Variants in GPD2 observed in about 807,000 individuals in gnomAD.
GPD2 encodes glycerol-3-phosphate dehydrogenase 2.
In GPD2, 54 loss-of-function variants were observed where a neutral mutation model predicts 82.4. The ratio of observed to expected loss-of-function variants is 0.66; its 90% CI spans 0.53 to 0.82. The LOEUF is 0.82. Ranked by LOEUF, GPD2 falls within the 40% of genes least tolerant of loss-of-function variation. The pLI is 0.00. For missense variants in GPD2, 748 were observed against 896.2 expected (o/e 0.83, Z 2.11); for synonymous variants, 288 against 306.1 (o/e 0.94, Z 0.62).
intron 6 of GPD2, among the ~76,000 whole-genome samples, chr2:156,538,431 A>G (rs1686163361): frequency 6.6e-6 from 1 of 151,944 alleles, no homozygotes; most frequent in Admixed American, 6.6e-5. Context: ...ATTCATTCCT[A>G]TGAGAAGTGA....
intron 6 of GPD2, among the ~76,000 whole-genome samples, chr2:156,526,885 T>C (rs969902460): frequency 2.0e-4 from 30 of 152,260 alleles, no homozygotes; most frequent in African/African-American, 7.0e-4. Context: ...GTAAGGATTG[T>C]TCTTCAGGAA....
the GPD2 span, among the ~76,000 whole-genome samples, chr2:156,412,453 A>AT: frequency 6.6e-6 from 1 of 150,840 alleles, no homozygotes; most frequent in Non-Finnish European, 1.5e-5. Context: ...AAAAAAAAAA[A>AT]TACAGGATTT....
At chr2:156,545,197 A>G (rs1435155396) in intron 6 of GPD2, among the ~76,000 whole-genome samples, 1 of 152,114 alleles carries the variant, frequency 6.6e-6, no homozygotes, top group East Asian at 1.9e-4. Flanking sequence ...GAATATTTCC[A>G]ATCAGAAAGG....
At chr2:156,538,357 C>T (rs575131219) in intron 6 of GPD2, among the ~76,000 whole-genome samples, 23 of 152,136 alleles carry the variant, frequency 1.5e-4, no homozygotes, top group African/African-American at 4.8e-4. Context: ...CATTGTTGTC[C>T]TTGCAGGAGG....
At chr2:156,474,971 A>T (rs1683455167) in intron 1 of GPD2, among the ~76,000 whole-genome samples, 1 of 151,862 alleles carries the variant, frequency 6.6e-6, no homozygotes, top group Non-Finnish European at 1.5e-5. Flanking sequence ...AGAAAGAAAA[A>T]AAAATAGCCA....
chr2:156,482,777 G>A (rs940190217), intron 2 of GPD2, among the ~76,000 whole-genome samples: 3 of 151,924 alleles, frequency 2.0e-5, no homozygotes, highest in Non-Finnish European at 4.4e-5. Context: ...AAATACTATA[G>A]TTCACTCTGT....
At chr2:156,429,944 T>A in the GPD2 span, among the ~76,000 whole-genome samples, 2 of 152,222 alleles carry the variant, frequency 1.3e-5, no homozygotes, top group Admixed American at 1.3e-4. Flanking sequence ...ATATTAGTTT[T>A]GTTTATTGGT....
intron 1 of GPD2, among the ~76,000 whole-genome samples, chr2:156,464,625 A>T (rs1038154238): frequency 2.6e-5 from 4 of 152,130 alleles, no homozygotes; most frequent in Non-Finnish European, 5.9e-5. Context: ...ATGTGTAGTG[A>T]TGTTTATAAT....
At chr2:156,518,722 A>T (rs1285715173) in intron 6 of GPD2, among the ~76,000 whole-genome samples, 1 of 152,176 alleles carries the variant, frequency 6.6e-6, no homozygotes, top group African/African-American at 2.4e-5. Context: ...CATAAGTAAA[A>T]TCTTAAGATG....
chr2:156,572,405 A>G (rs915120318), intron 13 of GPD2, among the ~76,000 whole-genome samples: 1 of 152,106 alleles, frequency 6.6e-6, no homozygotes, highest in Non-Finnish European at 1.5e-5. Flanking sequence ...TAACACATCC[A>G]ACTTCCATCA....
intron 3 of GPD2, among the ~76,000 whole-genome samples, chr2:156,501,541 T>C (rs886390520): frequency 6.6e-6 from 1 of 151,940 alleles, no homozygotes; most frequent in African/African-American, 2.4e-5. Context: ...AGGAAGGAGA[T>C]GTGTGCATTG....
the GPD2 span, among the ~76,000 whole-genome samples, chr2:156,400,571 T>C: frequency 1.3e-5 from 2 of 152,376 alleles, no homozygotes; most frequent in East Asian, 3.9e-4. Flanking sequence ...TGGTCCCAGG[T>C]GAGCGTTTCG....
At chr2:156,476,620 T>C (rs1275948062) in intron 2 of GPD2, among the ~76,000 whole-genome samples, 1 of 152,246 alleles carries the variant, frequency 6.6e-6, no homozygotes, top group Non-Finnish European at 1.5e-5. Flanking sequence ...AACTGAATCC[T>C]GGTTTTATTT....
At chr2:156,471,189 C>G (rs536036167) in intron 1 of GPD2, among the ~76,000 whole-genome samples, 22 of 152,326 alleles carry the variant, frequency 1.4e-4, no homozygotes, top group African/African-American at 5.1e-4. Flanking sequence ...TCTTGTCATG[C>G]TGTCTAATTG....
intron 6 of GPD2, among the ~76,000 whole-genome samples, chr2:156,515,750 G>T (rs188336335): frequency 2.6e-5 from 4 of 152,292 alleles, no homozygotes; most frequent in Middle Eastern, 3.4e-3. Context: ...AGGCAAAGGA[G>T]TAAAAATAAG....
chr2:156,547,732 C>T (rs747179686), intron 6 of GPD2, among the ~76,000 whole-genome samples: 14 of 152,164 alleles, frequency 9.2e-5, no homozygotes, highest in Non-Finnish European at 1.8e-4. Context: ...AGAACTATAA[C>T]CTATACTGCT....
chr2:156,524,344 A>C (rs1379625775), intron 6 of GPD2, among the ~76,000 whole-genome samples: 1 of 152,180 alleles, frequency 6.6e-6, no homozygotes, highest in African/African-American at 2.4e-5. Context: ...GTTATTTCTC[A>C]TAGTTCTGAG....
chr2:156,477,024 C>T (rs565878427), intron 2 of GPD2, among the ~76,000 whole-genome samples: 115 of 152,298 alleles, frequency 7.6e-4, no homozygotes, highest in Non-Finnish European at 1.4e-3. Context: ...TTTGTGGCTG[C>T]CTTTAAGCCA....
At position 156,549,776 on chromosome 2, in the gene GPD2, T is replaced by C; in HGVS notation, c.826+4T>C. 1 of 1,609,302 alleles carries C rather than the reference T, an allele frequency of 6.2e-7. No homozygotes were observed. The highest frequency in any genetic ancestry group is 2.2e-5 in the East Asian group (1 of 44,794). On this transcript the variant is annotated splice_donor_region_variant and intron_variant, in intron 7 of 16. Coordinates refer to ENST00000438166, the MANE Select transcript of GPD2 (RefSeq NM_000408.5). The stretch of plus-strand genomic sequence containing the variant: ...CGGTGCAAGGATGTCCTCACAGGTA[T>C]GCCAGGTATCTGGGAGGGAGGTATT...
Sources: allele counts gnomAD v4.1 joint callset (sites outside exome capture counted in the v4.1 genomes callset), GRCh38; gene constraint gnomAD v4.1.1; transcripts MANE v1.5; gene names NCBI Gene and HGNC (gene_info 2026-07-23, HGNC 2026-07-21).